Variants in SFXN5 observed in about 807,000 individuals in gnomAD.
SFXN5 encodes the protein sideroflexin 5, also known as sideroflexin-5.
Under a neutral mutation model 50.2 loss-of-function variants are expected in SFXN5, and 43 were observed. That is an observed-to-expected ratio of 0.86 (90% CI 0.67 to 1.11). The LOEUF is 1.11. SFXN5 is among the 50% of genes least tolerant of loss of function. The pLI, the probability that SFXN5 is intolerant of heterozygous loss-of-function variation, is 0.00. For missense variants in SFXN5, 463 were observed against 454.1 expected (o/e 1.02, Z -0.18); for synonymous variants, 203 against 185.8 (o/e 1.09, Z -0.75).
chr2:72,945,541 C>G lies in SFXN5; in HGVS notation c.946-442G>C, dbSNP rs1671842095. 6.6e-6 allele frequency among the ~76,000 whole-genome samples: 1 copy of G among 152,068 alleles called. No individual in the cohort carries two copies. Among genetic ancestry groups the G allele is most frequent in the Admixed American group, 6.5e-5 (1 of 15,272 alleles). ...TGGGCTCCTCAGTCGCCTGTCCTTC[C>G]AGCACCCCACTCACTCCTGCTTCTC... is the stretch of plus-strand genomic sequence containing the variant. On this transcript the variant is annotated intron_variant, in intron 13 of 13. Coordinates refer to ENST00000272433, the MANE Select transcript of SFXN5 (RefSeq NM_144579.3). The surrounding 1 kb of genome is among the most constrained non-coding windows in gnomAD (Gnocchi z 5.8).
At chr2:72,972,169 C>T (rs936765303) in intron 10 of SFXN5, among the ~76,000 whole-genome samples, 1 of 152,218 alleles carries the variant, frequency 6.6e-6, no homozygotes. Flanking sequence ...CAGAAATTTG[C>T]CTCCCTGACA....
At chr2:73,061,361 T>C (rs898598074) in intron 1 of SFXN5, among the ~76,000 whole-genome samples, 1 of 147,318 alleles carries the variant, frequency 6.8e-6, no homozygotes, top group Non-Finnish European at 1.5e-5. Context: ...GATGAATGAA[T>C]ACAACCTATT....
rs1054068105 is a variant in SFXN5, at chr2:72,971,751, C to T, written c.626-66G>A. 58 of 1,183,506 alleles carry T rather than the reference C, an allele frequency of 4.9e-5. No homozygotes were observed. The African/African-American group carries it at 8.0e-4, about 16-fold the overall frequency. 73.3% of individuals were successfully genotyped at this position (1,183,506 alleles called of 1,614,324 possible). On this transcript the variant is annotated intron_variant, in intron 10 of 13. Coordinates refer to ENST00000272433, the MANE Select transcript of SFXN5 (RefSeq NM_144579.3). ...GATGGCATTCCACCTGGAGGGAGGT[C>T]ACTACACTCCTTCCTACGCAAGCCT...
Position 73,026,126 on chromosome 2 carries a change from C to CTTTTTTTTTTT in SFXN5, c.250-2923_250-2913dup, listed in dbSNP as rs759334127. 2.6e-4 allele frequency among the ~76,000 whole-genome samples: 35 copies of CTTTTTTTTTTT among 133,744 alleles called. 3 individuals carry two copies. The highest frequency in any genetic ancestry group is 5.5e-4 in the African/African-American group (18 of 32,676). 87.7% of individuals were successfully genotyped at this position (133,744 alleles called of 152,430 possible). ...CCAGTGGTCTAATGCTGTGTGGCTG[C>CTTTTTTTTTTT]TTTTTTTTTTTCTTTTTTTGAGACA... On this transcript the variant is annotated intron_variant, in intron 3 of 13. Coordinates refer to ENST00000272433, the MANE Select transcript of SFXN5 (RefSeq NM_144579.3).
rs1455629051 is a variant in SFXN5, at chr2:72,945,167, CAGTGAGG to C, written c.946-75_946-69del. ...GGGCAAATAGTGGGGCTGGGAGCTG[CAGTGAGG>C]ACCACCCTGGGCCCCAGAGCTCTGC... On this transcript the variant is annotated intron_variant, in intron 13 of 13. Coordinates refer to ENST00000272433, the MANE Select transcript of SFXN5 (RefSeq NM_144579.3). The surrounding 1 kb of genome is among the most constrained non-coding windows in gnomAD (Gnocchi z 5.8). 2 of 1,432,998 alleles carry C rather than the reference CAGTGAGG, an allele frequency of 1.4e-6. No individual in the cohort carries two copies. Among genetic ancestry groups the C allele is most frequent in the Non-Finnish European group, 1.9e-6 (2 of 1,028,290 alleles). The allele number at this position is 1,432,998 out of a possible 1,614,324, so 88.8% of individuals were successfully genotyped here. A position where few individuals can be genotyped will look rare whatever the true frequency, so the allele number is the denominator to read the frequency against.
intron 6 of SFXN5, among the ~76,000 whole-genome samples, chr2:73,011,957 G>A (rs1675555324): frequency 6.6e-6 from 1 of 152,164 alleles, no homozygotes; most frequent in African/African-American, 2.4e-5. Context: ...GTTTCTAATA[G>A]CAAATAATCG....
chr2:73,053,128 G>A (rs1477845199), intron 2 of SFXN5, among the ~76,000 whole-genome samples: 1 of 150,406 alleles, frequency 6.6e-6, no homozygotes, highest in African/African-American at 2.5e-5. Context: ...AGTGAGCCAA[G>A]ATGCCACCGC....
chr2:73,018,498 T>C (rs1676443856), intron 6 of SFXN5, among the ~76,000 whole-genome samples: 2 of 152,128 alleles, frequency 1.3e-5, no homozygotes, highest in African/African-American at 2.4e-5. Context: ...ATCTAAATAC[T>C]GATAGTTTTA....
chr2:73,060,120 A>C (rs1323162438), intron 1 of SFXN5, among the ~76,000 whole-genome samples: 2 of 152,234 alleles, frequency 1.3e-5, no homozygotes, highest in Admixed American at 6.5e-5. Flanking sequence ...ACCAAATGAC[A>C]TCCAGATCCT....
rs553133761 is a variant in SFXN5, at chr2:72,976,904, T to G, written c.626-5219A>C. Among the ~76,000 whole-genome samples the G allele has an allele frequency of 2.0e-5, 3 of 152,338 alleles. 1 individual carries two copies. The South Asian group carries it at 6.2e-4, about 32-fold the overall frequency. The stretch of plus-strand genomic sequence containing the variant: ...TTACATATGATAAACAAAGGGCTAC[T>G]AATCTTAAGTTATGGAGGGTCATGG... On this transcript the variant is annotated intron_variant, in intron 10 of 13. Coordinates refer to ENST00000272433, the MANE Select transcript of SFXN5 (RefSeq NM_144579.3).
intron 10 of SFXN5, among the ~76,000 whole-genome samples, chr2:72,979,146 A>G (rs1670990693): frequency 6.6e-6 from 1 of 152,224 alleles, no homozygotes; most frequent in African/African-American, 2.4e-5. Context: ...CATGAACAAT[A>G]CAATTGATGG....
rs1339760417 is a variant in SFXN5 at position 72,992,407 on chromosome 2, C to A, written c.535-4059G>T. On this transcript the variant is annotated intron_variant, in intron 9 of 13. Coordinates refer to ENST00000272433, the MANE Select transcript of SFXN5 (RefSeq NM_144579.3). The surrounding 1 kb of genome is among the most constrained non-coding windows in gnomAD (Gnocchi z 4.5). ...GATGAGGCTGGAAGAATGCCTGCAT[C>A]CCTCTCCCCGCATCTGTGCCCCCAC... Among the ~76,000 whole-genome samples the A allele has an allele frequency of 6.6e-6, 1 of 152,154 alleles. No homozygotes were observed. The highest frequency in any genetic ancestry group is 1.5e-5 in the Non-Finnish European group (1 of 68,022).
chr2:72,968,565 G>T (rs752753201), intron 11 of SFXN5, 32 bp from the exon 12 acceptor site: 10 of 1,605,832 alleles, frequency 6.2e-6, no homozygotes, highest in South Asian at 2.2e-5. Context: ...TGTGAGAGGG[G>T]CCTGACAGCT....
intron 13 of SFXN5, among the ~76,000 whole-genome samples, chr2:72,952,381 C>A (rs1672627487): frequency 6.6e-6 from 1 of 152,212 alleles, no homozygotes; most frequent in Admixed American, 6.5e-5. Context: ...GGCACAGGCT[C>A]ATTTGCACTC....
At chr2:72,955,972 C>T (rs1056308008) in intron 13 of SFXN5, among the ~76,000 whole-genome samples, 2 of 152,260 alleles carry the variant, frequency 1.3e-5, no homozygotes, top group African/African-American at 4.8e-5. Flanking sequence ...TGTGCTGTCA[C>T]CTGACAGTTC....
At chr2:73,062,138 C>T (rs2106050895) in intron 1 of SFXN5, among the ~76,000 whole-genome samples, 1 of 152,204 alleles carries the variant, frequency 6.6e-6, no homozygotes, top group Middle Eastern at 3.4e-3. Context: ...TAAAGTAAAA[C>T]ATGAACTGAT....
At chr2:72,963,120 G>A (rs1673940856) in intron 12 of SFXN5, among the ~76,000 whole-genome samples, 1 of 152,234 alleles carries the variant, frequency 6.6e-6, no homozygotes, top group Non-Finnish European at 1.5e-5. Flanking sequence ...AGAGTCTGGA[G>A]GCCCTGCTTG....
intron 6 of SFXN5, among the ~76,000 whole-genome samples, chr2:73,004,437 T>A (rs1261652924): frequency 2.0e-5 from 3 of 151,222 alleles, no homozygotes; most frequent in Non-Finnish European, 4.4e-5. Flanking sequence ...AATGACAAGA[T>A]GGTTTAATGA....
chr2:73,058,513 A>C lies in SFXN5; in HGVS notation c.171+15T>G. The C allele has an allele frequency of 6.2e-7, 1 of 1,613,464 alleles. No individual in the cohort carries two copies. The highest frequency in any genetic ancestry group is 8.5e-7 in the Non-Finnish European group (1 of 1,179,406). On this transcript the variant is annotated intron_variant, in intron 2 of 13. Transcript: ENST00000272433. ...CAAAGGCCCAAGGGCCACTGAGGTG[A>C]CAGCCATGACTTACCTCAGTGACAA...
Sources: gnomAD v4.1 joint callset for allele counts (sites outside exome capture counted in the v4.1 genomes callset) on GRCh38, gnomAD v4.1.1 for gene constraint, Gnocchi (gnomAD v3.1) non-coding constraint, MANE v1.5 for transcripts, NCBI Gene and HGNC (gene_info 2026-07-23, HGNC 2026-07-21) for gene names.